RIN2: variants seen among roughly 807,000 people sequenced by gnomAD.
The protein encoded by RIN2 is Ras and Rab interactor 2, also known as RAB5 interacting protein 2.
RIN2 carries 36 observed loss-of-function variants against 78.0 expected under a neutral mutation model. That is an observed-to-expected ratio of 0.46 (90% CI 0.35 to 0.61). The LOEUF (loss-of-function observed/expected upper bound fraction) is 0.61. Among genes scored for constraint, RIN2 ranks in the 20% least tolerant of loss-of-function variants. RIN2 has a pLI of 0.00. For synonymous variants in RIN2, 466 were observed against 466.8 expected (o/e 1.00, Z 0.02); for missense variants, 1,087 against 1,159.7 (o/e 0.94, Z 0.91).
intron 2 of RIN2, among the ~76,000 whole-genome samples, chr20:19,835,754 T>C (rs1421047866): frequency 6.6e-6 from 1 of 152,176 alleles, no homozygotes; most frequent in Non-Finnish European, 1.5e-5. Context: ...TTATTTAAAT[T>C]TTTTCAAGCT....
At chr20:19,788,691 G>C (rs1282206409) in intron 1 of RIN2, among the ~76,000 whole-genome samples, 1 of 150,790 alleles carries the variant, frequency 6.6e-6, no homozygotes, top group Non-Finnish European at 1.5e-5. Context: ...GTGATCTACA[G>C]TACCATACAA....
intron 2 of RIN2, among the ~76,000 whole-genome samples, chr20:19,873,124 T>TA (rs1432408247): frequency 6.6e-6 from 1 of 151,350 alleles, no homozygotes; most frequent in Non-Finnish European, 1.5e-5. Flanking sequence ...TATTTTTATT[T>TA]TTATTTTATT....
At chr20:19,852,945 A>G (rs1443413362) in intron 2 of RIN2, among the ~76,000 whole-genome samples, 2 of 151,826 alleles carry the variant, frequency 1.3e-5, no homozygotes, top group Admixed American at 1.3e-4. Context: ...CAGGTTTGTT[A>G]CATATGTATA....
chr20:19,800,087 G>C (rs946617046), intron 2 of RIN2, among the ~76,000 whole-genome samples: 1 of 152,136 alleles, frequency 6.6e-6, no homozygotes, highest in African/African-American at 2.4e-5. Context: ...ACACCACCAC[G>C]AGGTGGGCAC....
intron 9 of RIN2, among the ~76,000 whole-genome samples, chr20:19,980,110 A>T (rs2042401687): frequency 6.6e-6 from 1 of 151,064 alleles, no homozygotes; most frequent in Admixed American, 6.6e-5. Context: ...AGTGCCAAAC[A>T]GAGATTAAAA....
chr20:19,805,156 A>G (rs568515407), intron 2 of RIN2, among the ~76,000 whole-genome samples: 1 of 152,246 alleles, frequency 6.6e-6, no homozygotes, highest in African/African-American at 2.4e-5. Flanking sequence ...TTACAATGAG[A>G]CTTAGCTTTG....
At chr20:19,935,832 A>C (rs2040617741) in intron 4 of RIN2, among the ~76,000 whole-genome samples, 1 of 152,110 alleles carries the variant, frequency 6.6e-6, no homozygotes, top group Non-Finnish European at 1.5e-5. Flanking sequence ...TGGGAAGTTG[A>C]AGGTGACTTC....
chr20:19,776,112 G>A (rs1178434841), intron 1 of RIN2, among the ~76,000 whole-genome samples: 1 of 152,114 alleles, frequency 6.6e-6, no homozygotes, highest in Non-Finnish European at 1.5e-5. Context: ...ACTAACTGAT[G>A]GACCCCTCCC....
chr20:19,766,490 A>G (rs2033890457), intron 1 of RIN2, among the ~76,000 whole-genome samples: 1 of 152,160 alleles, frequency 6.6e-6, no homozygotes, highest in South Asian at 2.1e-4. Context: ...ATGTGGTTGC[A>G]TACAGAAGGG....
chr20:19,812,197 A>T (rs1194507134), intron 2 of RIN2, among the ~76,000 whole-genome samples: 1 of 152,156 alleles, frequency 6.6e-6, no homozygotes, highest in Non-Finnish European at 1.5e-5. Flanking sequence ...GTCTTTATGT[A>T]GACACATATT....
intron 2 of RIN2, among the ~76,000 whole-genome samples, chr20:19,853,988 T>C (rs1288024874): frequency 6.6e-6 from 1 of 152,266 alleles, no homozygotes; most frequent in Non-Finnish European, 1.5e-5. Context: ...GCCTAGGTTT[T>C]CTTCTAGGGT....
intron 2 of RIN2, among the ~76,000 whole-genome samples, chr20:19,882,853 C>T (rs1401791811): frequency 1.3e-5 from 2 of 151,884 alleles, no homozygotes; most frequent in African/African-American, 4.8e-5. Flanking sequence ...AAAAAACGCA[C>T]AAGTTGTGTA....
In RIN2 at chr20:19,970,767, T is replaced by G. The variant is rs541004860; in HGVS notation, c.537-71T>G. ...AACAGTTTAAGCTAAAACATCTCTATGATGAAAATAAACACAAGATAGAAA... is the reference window on the plus strand; with the variant it reads ...AACAGTTTAAGCTAAAACATCTCTAGGATGAAAATAAACACAAGATAGAAA... On this transcript the variant is annotated intron_variant, in intron 7 of 12. Coordinates refer to ENST00000255006, the MANE Select transcript of RIN2 (RefSeq NM_018993.4). 41 of 1,199,998 alleles carry G rather than the reference T, an allele frequency of 3.4e-5. No individual in the cohort carries two copies. The African/African-American group carries it at 5.4e-4, about 16-fold the overall frequency. The allele number at this position is 1,199,998 out of a possible 1,614,324, so 74.3% of individuals were successfully genotyped here.
intron 1 of RIN2, among the ~76,000 whole-genome samples, chr20:19,775,291 C>A (rs1027224039): frequency 6.6e-6 from 1 of 152,206 alleles, no homozygotes; most frequent in South Asian, 2.1e-4. Flanking sequence ...ATGTTGCCAA[C>A]TATGGTCTCC....
At chr20:19,878,342 A>G (rs2037918680) in intron 2 of RIN2, among the ~76,000 whole-genome samples, 1 of 152,114 alleles carries the variant, frequency 6.6e-6, no homozygotes. Flanking sequence ...AGTAGCATCC[A>G]TAGGCTGAAA....
chr20:19,957,900 C>T (rs1411836995), intron 5 of RIN2, among the ~76,000 whole-genome samples: 6 of 152,142 alleles, frequency 3.9e-5, no homozygotes, highest in African/African-American at 7.2e-5. Context: ...TTATAGTGGA[C>T]GGCATTTGTG....
intron 5 of RIN2, 59 bp from the exon 6 acceptor site, chr20:19,960,641 G>T (rs2041711255): frequency 8.0e-7 from 1 of 1,253,686 alleles, no homozygotes; most frequent in African/African-American, 1.5e-5. Context: ...GAAACCAGAT[G>T]CTTGGGTTCC....
intron 1 of RIN2, among the ~76,000 whole-genome samples, chr20:19,773,364 G>A (rs977386877): frequency 3.9e-5 from 6 of 152,174 alleles, no homozygotes; most frequent in Admixed American, 3.3e-4. Context: ...CCCATAACTA[G>A]GTGTAAAATT....
At chr20:19,897,672 A>T (rs1290546170) in intron 3 of RIN2, among the ~76,000 whole-genome samples, 8 of 150,862 alleles carry the variant, frequency 5.3e-5, no homozygotes, top group Non-Finnish European at 5.9e-5. Flanking sequence ...CCATCTGAAG[A>T]GGTCATAAGA....
Sources: allele counts gnomAD v4.1 joint callset (sites outside exome capture counted in the v4.1 genomes callset), GRCh38; gene constraint gnomAD v4.1.1; transcripts MANE v1.5; gene names NCBI Gene and HGNC (gene_info 2026-07-23, HGNC 2026-07-21).